Variants in UBASH3B observed in about 807,000 individuals in gnomAD.
The protein encoded by UBASH3B is ubiquitin associated and SH3 domain containing B.
A neutral mutation model predicts 83.4 loss-of-function variants in UBASH3B; 37 were observed. That is an observed-to-expected ratio of 0.44 (90% CI 0.34 to 0.58). The LOEUF is 0.58. Ranked by LOEUF, UBASH3B falls within the 20% of genes least tolerant of loss-of-function variation. The pLI is 0.01. For synonymous variants in UBASH3B, 304 were observed against 318.3 expected, an observed-to-expected ratio of 0.96 and a Z score of 0.48; for missense variants, 657 against 827.2, an observed-to-expected ratio of 0.79 and a Z score of 2.52.
chr11:122,786,467 G>A (rs1239629828), intron 5 of UBASH3B, among the ~76,000 whole-genome samples: 1 of 151,984 alleles, frequency 6.6e-6, no homozygotes, highest in Admixed American at 6.5e-5. Context: ...AACCAGCCTG[G>A]CCAACACAGT....
chr11:122,800,812 T>G (rs955719609), intron 10 of UBASH3B, among the ~76,000 whole-genome samples: 1 of 152,004 alleles, frequency 6.6e-6, no homozygotes, highest in African/African-American at 2.4e-5. Context: ...TTTACCATGT[T>G]GGCCAGGCTG....
chr11:122,658,155 T>A (rs12419776), intron 1 of UBASH3B, among the ~76,000 whole-genome samples: 49,434 of 145,150 alleles, frequency 0.34, 8,562 homozygotes, highest in Non-Finnish European at 0.38. Flanking sequence ...TAGCCTGGGT[T>A]ACAGAGCGAG....
At chr11:122,780,895 G>C (rs192847003) in intron 4 of UBASH3B, among the ~76,000 whole-genome samples, 23 of 152,336 alleles carry the variant, frequency 1.5e-4, no homozygotes, top group Non-Finnish European at 2.6e-4. Context: ...GTGCCAGAGA[G>C]GGGGAAGACC....
Position 122,810,112 on chromosome 11 carries a change from T to G in UBASH3B, c.*226T>G, listed in dbSNP as rs902673788. 2.0e-6 allele frequency: 1 copy of G among 492,502 alleles called. No homozygotes were observed. The highest frequency in any genetic ancestry group is 1.9e-5 in the African/African-American group (1 of 51,430). The allele number at this position is 492,502 out of a possible 1,614,324, so 30.5% of individuals were successfully genotyped here. ...TGGACTCTTGCCTAGCTCACAAGGC[T>G]TTGGAGAATTGTCTTCCTAAATCGG... On this transcript the variant is annotated 3_prime_UTR_variant, in exon 14 of 14. Coordinates refer to ENST00000284273, the MANE Select transcript of UBASH3B (RefSeq NM_032873.5).
rs183518278 is a variant in UBASH3B at position 122,798,968 on chromosome 11, A to T, written c.1384A>T (p.Ile462Phe). Residue 462 changes from isoleucine to phenylalanine, a missense_variant, in exon 10 of 14, where the codon ATT becomes TTT. Physicochemically the swap from Ile to Phe is conservative, Grantham distance 21. Around this residue, in one of 3 missense-constraint regions of UBASH3B, gnomAD observed 573 missense variants for 739.0 expected, o/e 0.78. Transcript: ENST00000284273. ...TGAAGCCTTATTAGAGAGCAATACC[A>T]TTATCGATCATGTCTATTGCTCCCC... The part of the protein sequence containing the change: ...VGEALLESNT[I>F]IDHVYCSPSL... 137 of 1,613,992 alleles carry T rather than the reference A, an allele frequency of 8.5e-5. 1 individual carries two copies. The East Asian group carries it at 1.6e-3, about 19-fold the overall frequency.
At chr11:122,700,651 C>T (rs1305690252) in intron 1 of UBASH3B, among the ~76,000 whole-genome samples, 1 of 152,094 alleles carries the variant, frequency 6.6e-6, no homozygotes, top group Non-Finnish European at 1.5e-5. Flanking sequence ...TGCTCACCAC[C>T]ACACCCAGCT....
intron 1 of UBASH3B, among the ~76,000 whole-genome samples, chr11:122,695,493 C>G (rs1863954961): frequency 6.6e-6 from 1 of 152,240 alleles, no homozygotes; most frequent in South Asian, 2.1e-4. Flanking sequence ...AACGCTTCAA[C>G]CCCTTCTGGG....
intron 7 of UBASH3B, 127 bp downstream of exon 7, chr11:122,794,961 C>A (rs1165140516): frequency 7.4e-7 from 1 of 1,346,988 alleles, no homozygotes; most frequent in Non-Finnish European, 1.0e-6. Context: ...AGAAAGTACA[C>A]CAAATTATAA....
At chr11:122,683,133 C>T (rs1863763447) in intron 1 of UBASH3B, among the ~76,000 whole-genome samples, 1 of 151,486 alleles carries the variant, frequency 6.6e-6, no homozygotes, top group Admixed American at 6.6e-5. Flanking sequence ...CCTGTAGTCA[C>T]AGCTACTTGG....
chr11:122,681,224 C>T (rs1445482659), intron 1 of UBASH3B, among the ~76,000 whole-genome samples: 1 of 152,094 alleles, frequency 6.6e-6, no homozygotes, highest in East Asian at 1.9e-4. Context: ...GGTTTCTTAT[C>T]CATAACTGTA....
In UBASH3B at chr11:122,728,476, A is replaced by G. The variant is rs906539985; in HGVS notation, c.162-47743A>G. Reference sequence around the variant, plus strand: ...CTCATAGATGGGGGCCACCAGCCCAATTTCTTTATCTTAGGTCTGAGCTGT... The same window carrying G: ...CTCATAGATGGGGGCCACCAGCCCAGTTTCTTTATCTTAGGTCTGAGCTGT... On this transcript the variant is annotated intron_variant, in intron 1 of 13. Coordinates refer to ENST00000284273, the MANE Select transcript of UBASH3B (RefSeq NM_032873.5). 1.2e-4 allele frequency among the ~76,000 whole-genome samples: 18 copies of G among 152,184 alleles called. No individual in the cohort carries two copies. In the East Asian group the frequency reaches 1.3e-3, roughly 11 times the overall value.
At chr11:122,695,016 T>C (rs1419930675) in intron 1 of UBASH3B, among the ~76,000 whole-genome samples, 1 of 129,034 alleles carries the variant, frequency 7.7e-6, no homozygotes, top group African/African-American at 2.9e-5. Context: ...CAGGCTGGAG[T>C]GCAGTGGCAC....
chr11:122,800,214 G>T (rs1048067275), intron 10 of UBASH3B, among the ~76,000 whole-genome samples: 1 of 152,058 alleles, frequency 6.6e-6, no homozygotes, highest in African/African-American at 2.4e-5. Context: ...GAAGTTTCTT[G>T]GTAAGGCCAT....
intron 1 of UBASH3B, among the ~76,000 whole-genome samples, chr11:122,769,634 A>G (rs557737993): frequency 6.6e-6 from 1 of 152,370 alleles, no homozygotes; most frequent in African/African-American, 2.4e-5. Flanking sequence ...AGCAGTTCAC[A>G]GAGCACAACA....
At chr11:122,657,449 G>A (rs554152925) in intron 1 of UBASH3B, among the ~76,000 whole-genome samples, 2 of 152,002 alleles carry the variant, frequency 1.3e-5, no homozygotes, top group African/African-American at 2.4e-5. Context: ...CCACCACACC[G>A]GGCTAATTTT....
chr11:122,680,709 C>T (rs533017163), intron 1 of UBASH3B, among the ~76,000 whole-genome samples: 11 of 152,136 alleles, frequency 7.2e-5, no homozygotes, highest in South Asian at 2.1e-4. Context: ...GTGATCCACC[C>T]GCCTCAGCCT....
intron 1 of UBASH3B, chr11:122,774,332 G>T (rs1335224266): frequency 1.0e-6 from 1 of 981,620 alleles, no homozygotes; most frequent in African/African-American, 1.7e-5. Flanking sequence ...TGATCATTTG[G>T]TATCTGTGCG....
chr11:122,730,113 C>CCATCT (rs1351264336), intron 1 of UBASH3B, among the ~76,000 whole-genome samples: 1 of 151,714 alleles, frequency 6.6e-6, no homozygotes, highest in Non-Finnish European at 1.5e-5. Flanking sequence ...TGGCAAAACT[C>CCATCT]CATCTCTACT....
At chr11:122,783,031 A>G in intron 4 of UBASH3B, 22 bp from the exon 5 acceptor site, 2 of 1,606,180 alleles carry the variant, frequency 1.2e-6, no homozygotes, top group Non-Finnish European at 1.7e-6. Context: ...TTAATTACTG[A>G]CCTTTTTCTT....
Sources: gnomAD v4.1 joint callset for allele counts (sites outside exome capture counted in the v4.1 genomes callset) on GRCh38, gnomAD v4.1.1 for gene constraint, gnomAD v4.1.1 regional missense constraint, MANE v1.5 for transcripts, NCBI Gene and HGNC (gene_info 2026-07-23, HGNC 2026-07-21) for gene names.